The following NECAB1 variants were observed in gnomAD, a reference collection of about 807,000 sequenced individuals.
The protein encoded by NECAB1 is N-terminal EF-hand calcium binding protein 1.
Under a neutral mutation model 57.5 loss-of-function variants are expected in NECAB1, and 29 were observed. That is an observed-to-expected ratio of 0.50 (90% CI 0.38 to 0.69). The LOEUF is 0.69. Ranked by LOEUF, NECAB1 falls within the 30% of genes least tolerant of loss-of-function variation. NECAB1 has a pLI of 0.00. For synonymous variants in NECAB1, 142 were observed against 147.7 expected (o/e 0.96, Z 0.28); for missense variants, 372 against 413.8 (o/e 0.90, Z 0.88).
At chr8:90,852,448 C>G (rs1402775314) in intron 3 of NECAB1, among the ~76,000 whole-genome samples, 1 of 152,168 alleles carries the variant, frequency 6.6e-6, no homozygotes, top group Non-Finnish European at 1.5e-5. Flanking sequence ...CAGAGTAATT[C>G]TAGGCAGAAG....
intron 5 of NECAB1, among the ~76,000 whole-genome samples, chr8:90,897,925 G>A (rs1809399842): frequency 6.6e-6 from 1 of 152,180 alleles, no homozygotes; most frequent in African/African-American, 2.4e-5. Context: ...ATGGCTGTGA[G>A]AGTAATCATT....
intron 4 of NECAB1, among the ~76,000 whole-genome samples, chr8:90,879,759 C>T (rs1451825924): frequency 3.3e-5 from 5 of 152,074 alleles, no homozygotes; most frequent in African/African-American, 1.2e-4. Context: ...AACATTATAA[C>T]CACAAATTAA....
intron 4 of NECAB1, among the ~76,000 whole-genome samples, chr8:90,872,690 GT>G (rs1239773080): frequency 6.6e-6 from 1 of 152,008 alleles, no homozygotes; most frequent in Non-Finnish European, 1.5e-5. Flanking sequence ...TGGAACAATA[GT>G]TAAAGATTAG....
chr8:90,831,515 A>G (rs888068039), intron 3 of NECAB1, among the ~76,000 whole-genome samples: 3 of 152,152 alleles, frequency 2.0e-5, no homozygotes, highest in Non-Finnish European at 4.4e-5. Context: ...TGTGGGATCA[A>G]TCAGGAAAAT....
chr8:90,944,457 ATT>A (rs1241953336), intron 10 of NECAB1, among the ~76,000 whole-genome samples: 1 of 152,210 alleles, frequency 6.6e-6, no homozygotes, highest in Non-Finnish European at 1.5e-5. Context: ...ATACACACAC[ATT>A]GTTTGATACA....
intron 5 of NECAB1, among the ~76,000 whole-genome samples, chr8:90,906,411 C>CT (rs1418358309): frequency 6.6e-6 from 1 of 152,046 alleles, no homozygotes; most frequent in African/African-American, 2.4e-5. Context: ...AAATGTGGTC[C>CT]TTTGAGTGTT....
intron 10 of NECAB1, among the ~76,000 whole-genome samples, chr8:90,945,943 T>A (rs1406319022): frequency 6.6e-6 from 1 of 152,222 alleles, no homozygotes; most frequent in Non-Finnish European, 1.5e-5. Context: ...TAGAATCACA[T>A]AAGAAACAAA....
intron 3 of NECAB1, among the ~76,000 whole-genome samples, chr8:90,841,900 G>A (rs1812462629): frequency 6.6e-6 from 1 of 152,130 alleles, no homozygotes; most frequent in Admixed American, 6.6e-5. Flanking sequence ...TCTAAAAGGT[G>A]GACCCTGAAT....
intron 5 of NECAB1, among the ~76,000 whole-genome samples, chr8:90,910,352 G>A (rs1287408036): frequency 2.0e-5 from 3 of 151,966 alleles, no homozygotes; most frequent in Non-Finnish European, 4.4e-5. Context: ...TTATAACCTT[G>A]CATAGGATTT....
intron 3 of NECAB1, among the ~76,000 whole-genome samples, chr8:90,867,125 G>C (rs1273247446): frequency 6.6e-6 from 1 of 152,144 alleles, no homozygotes; most frequent in Non-Finnish European, 1.5e-5. Flanking sequence ...AGAAACAGCT[G>C]AATAAAGGAA....
chr8:90,808,554 A>G (rs1811893699), intron 2 of NECAB1, among the ~76,000 whole-genome samples: 1 of 151,248 alleles, frequency 6.6e-6, no homozygotes, highest in African/African-American at 2.4e-5. Flanking sequence ...ATACACAGAA[A>G]CTCTTGGAAA....
chr8:90,832,249 G>A (rs562204895), intron 3 of NECAB1, among the ~76,000 whole-genome samples: 1 of 152,226 alleles, frequency 6.6e-6, no homozygotes, highest in Admixed American at 6.5e-5. Context: ...TCTTTCCTAG[G>A]AAGGCATTTC....
At chr8:90,793,854 C>T (rs1041395406) in intron 1 of NECAB1, among the ~76,000 whole-genome samples, 2 of 152,184 alleles carry the variant, frequency 1.3e-5, no homozygotes, top group Non-Finnish European at 2.9e-5. Flanking sequence ...ACTCATACAC[C>T]AGCCATTGCT....
chr8:90,900,898 G>C (rs998554191), intron 5 of NECAB1, among the ~76,000 whole-genome samples: 4 of 152,200 alleles, frequency 2.6e-5, no homozygotes, highest in Non-Finnish European at 5.9e-5. Context: ...TTTTGCTCCA[G>C]CAGTTTCTTG....
At chr8:90,821,206 A>G (rs80262877) in intron 2 of NECAB1, among the ~76,000 whole-genome samples, 3,437 of 151,828 alleles carry the variant, frequency 0.023, 133 homozygotes, top group African/African-American at 0.079. Flanking sequence ...GGTACCCCCA[A>G]TCTCAACATA....
chr8:90,838,233 G>A (rs1365257003), intron 3 of NECAB1, among the ~76,000 whole-genome samples: 1 of 152,090 alleles, frequency 6.6e-6, no homozygotes, highest in East Asian at 1.9e-4. Flanking sequence ...GACTTTAAGT[G>A]AAACAATATA....
intron 6 of NECAB1, among the ~76,000 whole-genome samples, chr8:90,921,209 G>T (rs796716979): frequency 1.3e-5 from 2 of 152,060 alleles, no homozygotes; most frequent in African/African-American, 4.8e-5. Context: ...TAGAGACAGG[G>T]TTTCACCATA....
intron 4 of NECAB1, among the ~76,000 whole-genome samples, chr8:90,873,992 A>G (rs1385876047): frequency 1.3e-5 from 2 of 152,142 alleles, no homozygotes; most frequent in East Asian, 3.8e-4. Flanking sequence ...TTCAACAGGA[A>G]TTGTTCTGTG....
chr8:90,826,657 T>TA (rs1812230784), intron 3 of NECAB1, among the ~76,000 whole-genome samples: 1 of 151,898 alleles, frequency 6.6e-6, no homozygotes, highest in Admixed American at 6.6e-5. Context: ...TTGAAAGCCA[T>TA]AATAGTTCCA....
Sources: allele counts gnomAD v4.1 joint callset (sites outside exome capture counted in the v4.1 genomes callset), GRCh38; gene constraint gnomAD v4.1.1; transcripts MANE v1.5; gene names NCBI Gene and HGNC (gene_info 2026-07-23, HGNC 2026-07-21).